Variants in ZNF592 observed in about 807,000 individuals in gnomAD.
ZNF592 encodes zinc finger protein 592.
ZNF592 carries 11 observed loss-of-function variants against 80.3 expected under a neutral mutation model. That is an observed-to-expected ratio of 0.14 (90% confidence interval 0.09 to 0.23). The LOEUF is 0.23. Ranked by LOEUF, ZNF592 falls within the 10% of genes least tolerant of loss-of-function variation. The pLI is 1.00. For synonymous variants in ZNF592, 646 were observed against 640.3 expected, an observed-to-expected ratio of 1.01 and a Z score of -0.13; for missense variants, 1,420 against 1,633.9, an observed-to-expected ratio of 0.87 and a Z score of 2.26.
rs1963187605 is a variant in ZNF592 at position 84,804,424 on chromosome 15, C to G, written c.*2031C>G. 1 of 152,252 alleles carries G rather than the reference C, an allele frequency of 6.6e-6. No homozygotes were observed. The highest frequency in any genetic ancestry group is 1.5e-5 in the Non-Finnish European group (1 of 68,048). 9.4% of individuals were successfully genotyped at this position (152,252 alleles called of 1,614,324 possible). A position where few individuals can be genotyped will look rare whatever the true frequency, so the allele number is the denominator to read the frequency against. ...ATGGTAGAATTGCAGGTTTGACCAC[C>G]TGTCGTGACCCCAGATATACATCTC... On this transcript the variant is annotated 3_prime_UTR_variant, in exon 11 of 11. Coordinates refer to ENST00000560079, the MANE Select transcript of ZNF592 (RefSeq NM_014630.3).
In ZNF592 at chr15:84,759,968, C is replaced by G. The variant is rs911502638; in HGVS notation, c.-258-4739C>G. On this transcript the variant is annotated intron_variant, in intron 1 of 10. Coordinates refer to ENST00000560079, the MANE Select transcript of ZNF592 (RefSeq NM_014630.3). ...ATTGGGGAGATTCCCCCCCCCCCCA[C>G]CCTGCCATTTAAAAAGTAATATGTG... is the stretch of plus-strand genomic sequence containing the variant. Among the ~76,000 whole-genome samples the G allele has an allele frequency of 1.3e-3, 30 of 22,342 alleles. 1 individual carries two copies. The highest frequency in any genetic ancestry group is 1.2e-3 in the Admixed American group (3 of 2,532). The allele number at this position is 22,342 out of a possible 152,430, so 14.7% of individuals were successfully genotyped here.
chr15:84,769,315 A>G lies in ZNF592; in HGVS notation c.-150+4500A>G, dbSNP rs146832015. On this transcript the variant is annotated intron_variant, in intron 2 of 10. Transcript: ENST00000560079. Reference sequence around the variant, plus strand: ...TTACAGAAAGACAAGAAGGTAATGAACAATTACATAATATATGCTAGGTGG... The same window carrying G: ...TTACAGAAAGACAAGAAGGTAATGAGCAATTACATAATATATGCTAGGTGG... 3.3e-3 allele frequency among the ~76,000 whole-genome samples: 503 copies of G among 152,246 alleles called. 5 individuals are homozygous for G. Among genetic ancestry groups the G allele is most frequent in the Non-Finnish European group, 3.8e-3 (260 of 68,018 alleles).
At position 84,784,739 on chromosome 15, in the gene ZNF592, C is replaced by T. The variant is rs764176685; in HGVS notation, c.2064C>T (p.Gly688=). The change falls in exon 4 of 11, where the codon GGC becomes GGT. Residue 688 remains glycine, a synonymous_variant. Transcript: ENST00000560079. The surrounding 1 kb of genome is among the most constrained non-coding windows in gnomAD (Gnocchi z 5.8). The part of the protein sequence containing the change: ...SSSPKHGLTS[G]SASPPPPALP... The stretch of plus-strand genomic sequence containing the variant: ...CTCCCAAACATGGCCTCACTTCGGG[C>T]AGTGCCAGTCCCCCTCCTCCAGCCT... The T allele has an allele frequency of 9.3e-6, 15 of 1,614,128 alleles. No homozygotes were observed. Among genetic ancestry groups the T allele is most frequent in the Admixed American group, 1.7e-5 (1 of 60,018 alleles).
intron 5 of ZNF592, among the ~76,000 whole-genome samples, chr15:84,796,028 C>T (rs1169826975): frequency 1.3e-5 from 2 of 151,460 alleles, no homozygotes; most frequent in South Asian, 2.1e-4. Flanking sequence ...TCAAGACCAG[C>T]GCGGCCAACA....
intron 4 of ZNF592, among the ~76,000 whole-genome samples, chr15:84,787,369 G>C (rs1007918544): frequency 3.9e-5 from 6 of 152,208 alleles, no homozygotes; most frequent in African/African-American, 1.4e-4. Context: ...GCCACTCATT[G>C]TGGCTTCTGA....
intron 4 of ZNF592, among the ~76,000 whole-genome samples, chr15:84,786,605 A>C (rs1024790175): frequency 3.9e-5 from 6 of 152,108 alleles, no homozygotes; most frequent in African/African-American, 1.4e-4. Context: ...ATAGGATCCC[A>C]CTGTGGCCTC....
In ZNF592 at chr15:84,783,143, C is replaced by G. The variant is rs371305645; in HGVS notation, c.468C>G (p.Asn156Lys). Reference protein sequence around the residue: ...SPEPEDPIKDNGFGIKPKHSD... With the variant: ...SPEPEDPIKDKGFGIKPKHSD... ...AACCTGAGGATCCCATCAAAGATAA[C>G]GGATTTGGGATAAAGCCCAAACACT... The change falls in exon 4 of 11, where the codon AAC (asparagine) becomes AAG (lysine). Residue 156 changes from asparagine (N) to lysine (K), a missense_variant. Physicochemically the swap from Asn to Lys is moderately conservative, Grantham distance 94. Coordinates refer to ENST00000560079, the MANE Select transcript of ZNF592 (RefSeq NM_014630.3). This position sits in a 1 kb window ranked among gnomAD's most constrained non-coding sequence, Gnocchi z 5.0. The G allele has an allele frequency of 1.6e-5, 26 of 1,614,166 alleles. No homozygotes were observed. Among genetic ancestry groups the G allele is most frequent in the South Asian group, 1.4e-4 (13 of 91,086 alleles).
At chr15:84,786,177 C>T (rs1050910329) in intron 4 of ZNF592, among the ~76,000 whole-genome samples, 7 of 152,160 alleles carry the variant, frequency 4.6e-5, no homozygotes, top group African/African-American at 1.7e-4. Context: ...GGGATGCCGG[C>T]AGAAGGGAGT....
chr15:84,797,063 A>G (rs1962939521), intron 5 of ZNF592, among the ~76,000 whole-genome samples: 1 of 152,150 alleles, frequency 6.6e-6, no homozygotes, highest in African/African-American at 2.4e-5. Context: ...TCCCGGGTTC[A>G]AGCAATTCTG....
intron 2 of ZNF592, among the ~76,000 whole-genome samples, chr15:84,765,912 T>A (rs1439058779): frequency 6.6e-6 from 1 of 151,950 alleles, no homozygotes; most frequent in African/African-American, 2.4e-5. Context: ...AAGGGGTGGG[T>A]CCCTATTGTG....
Position 84,788,524 on chromosome 15 carries a change from T to C in ZNF592, c.2221-2181T>C, listed in dbSNP as rs1227662176. Among the ~76,000 whole-genome samples, 5 of 152,212 alleles carry C rather than the reference T, an allele frequency of 3.3e-5. No individual in the cohort carries two copies. In the East Asian group the frequency reaches 9.6e-4, roughly 29 times the overall value. Reference sequence around the variant, plus strand: ...TGAGTTGATACCCTGACAATCTCAATTGGTGTTCTAAGAGTCCCTCTTCTA... The same window carrying C: ...TGAGTTGATACCCTGACAATCTCAACTGGTGTTCTAAGAGTCCCTCTTCTA... On this transcript the variant is annotated intron_variant, in intron 4 of 10. Transcript: ENST00000560079.
At chr15:84,756,342 G>A (rs1445691474) in intron 1 of ZNF592, among the ~76,000 whole-genome samples, 4 of 152,246 alleles carry the variant, frequency 2.6e-5, no homozygotes, top group African/African-American at 7.2e-5. Flanking sequence ...CTGGTTTGCT[G>A]TAGTTTACAA....
In ZNF592 at chr15:84,798,109, G is replaced by A; in HGVS notation, c.2576+64G>A. On this transcript the variant is annotated intron_variant, in intron 6 of 10. Coordinates refer to ENST00000560079, the MANE Select transcript of ZNF592 (RefSeq NM_014630.3). This position sits in a 1 kb window ranked among gnomAD's most constrained non-coding sequence, Gnocchi z 4.5. Reference sequence around the variant, plus strand: ...GAGAGGAGTAGCCTGGGTGCTGTAGGGGGTGGCATAGGGATGGGTGAGGGA... The same window carrying A: ...GAGAGGAGTAGCCTGGGTGCTGTAGAGGGTGGCATAGGGATGGGTGAGGGA... 2.5e-6 allele frequency: 4 copies of A among 1,596,538 alleles called. No homozygotes were observed. Among genetic ancestry groups the A allele is most frequent in the Non-Finnish European group, 3.4e-6 (4 of 1,173,094 alleles).
intron 2 of ZNF592, among the ~76,000 whole-genome samples, chr15:84,776,160 C>G (rs1469183907): frequency 6.6e-6 from 1 of 152,210 alleles, no homozygotes; most frequent in East Asian, 1.9e-4. Context: ...ATCTATCTAG[C>G]TCGTTCAGAT....
intron 2 of ZNF592, among the ~76,000 whole-genome samples, chr15:84,769,936 C>T (rs944933923): frequency 6.6e-6 from 1 of 152,092 alleles, no homozygotes; most frequent in Non-Finnish European, 1.5e-5. Context: ...CCACTGTGCC[C>T]AGTGGCAACG....
At chr15:84,788,532 C>G (rs918803735) in intron 4 of ZNF592, among the ~76,000 whole-genome samples, 3 of 152,132 alleles carry the variant, frequency 2.0e-5, no homozygotes, top group Non-Finnish European at 2.9e-5. Context: ...AATTGGTGTT[C>G]TAAGAGTCCC....
chr15:84,803,649 A>T lies in ZNF592; in HGVS notation c.*1256A>T, dbSNP rs1963163168. The stretch of plus-strand genomic sequence containing the variant: ...CAACATAAGAGAACCCCTTACTGGT[A>T]AAAAGGGAAAAGGGGGTGGAGAAGA... On this transcript the variant is annotated 3_prime_UTR_variant, in exon 11 of 11. Transcript: ENST00000560079. The T allele has an allele frequency of 6.6e-6, 1 of 152,210 alleles. No homozygotes were observed. Among genetic ancestry groups the T allele is most frequent in the Admixed American group, 6.5e-5 (1 of 15,276 alleles). 9.4% of individuals were successfully genotyped at this position (152,210 alleles called of 1,614,324 possible).
chr15:84,797,573 C>T (rs1042408501), intron 5 of ZNF592, among the ~76,000 whole-genome samples: 3 of 152,194 alleles, frequency 2.0e-5, no homozygotes, highest in African/African-American at 7.2e-5. Flanking sequence ...TAGGTAGGCT[C>T]AGGTTTTTGG....
chr15:84,780,770 TTTGTTGTTG>T (rs60093318), intron 3 of ZNF592, among the ~76,000 whole-genome samples: 2 of 150,774 alleles, frequency 1.3e-5, no homozygotes, highest in Admixed American at 6.6e-5. Context: ...CTGAGTGGGT[TTTGTTGTTG>T]TTGTTGTTGT....
Sources: gnomAD v4.1 joint callset for allele counts (sites outside exome capture counted in the v4.1 genomes callset) on GRCh38, gnomAD v4.1.1 for gene constraint, Gnocchi (gnomAD v3.1) non-coding constraint, MANE v1.5 for transcripts, NCBI Gene and HGNC (gene_info 2026-07-23, HGNC 2026-07-21) for gene names.